Variants in AXL observed in about 807,000 individuals in gnomAD.
AXL encodes tyrosine-protein kinase receptor UFO.
Under a neutral mutation model 104.5 loss-of-function variants are expected in AXL, and 52 were observed. The observed-to-expected ratio is 0.50, with a 90% confidence interval of 0.40 to 0.63. The LOEUF (loss-of-function observed/expected upper bound fraction) is 0.63, where lower values mean the gene tolerates loss of function less well. Ranked by LOEUF, AXL falls within the 20% of genes least tolerant of loss-of-function variation. AXL has a pLI of 0.00. For missense variants in AXL, 1,024 were observed against 1,188.5 expected, an observed-to-expected ratio of 0.86 and a Z score of 2.04; for synonymous variants, 455 against 473.7, an observed-to-expected ratio of 0.96 and a Z score of 0.51.
intron 12 of AXL, among the ~76,000 whole-genome samples, chr19:41,244,636 C>T (rs917468491): frequency 1.7e-4 from 26 of 152,292 alleles, no homozygotes; most frequent in African/African-American, 6.3e-4. Context: ...CATGGCACCA[C>T]ATCTGGCTAA....
intron 4 of AXL, among the ~76,000 whole-genome samples, chr19:41,223,727 C>T (rs1043622243): frequency 1.3e-5 from 2 of 152,000 alleles, no homozygotes; most frequent in Non-Finnish European, 2.9e-5. Context: ...GCTCGAGTGG[C>T]TGAGTAGGGA....
rs764751950 is a variant in AXL at position 41,221,167 on chromosome 19, C to T, written c.330C>T (p.Ser110=). 6.8e-6 allele frequency: 11 copies of T among 1,613,982 alleles called. No individual in the cohort carries two copies. The highest frequency in any genetic ancestry group is 5.0e-5 in the Admixed American group (3 of 59,986). Residue 110 remains serine (S), a synonymous_variant, in exon 3 of 20, where the codon TCC becomes TCT. Transcript: ENST00000301178. The part of the protein sequence containing the change: ...SQLRITSLQL[S]DTGQYQCLVF... The stretch of plus-strand genomic sequence containing the variant: ...TCAGAATCACCTCCCTGCAGCTTTC[C>T]GACACGGGACAGTACCAGTGTTTGG...
chr19:41,244,833 C>T (rs1206241789), intron 12 of AXL, among the ~76,000 whole-genome samples: 1 of 151,952 alleles, frequency 6.6e-6, no homozygotes, highest in African/African-American at 2.4e-5. Context: ...GATGAGGAAG[C>T]TGTGGCATAG....
At chr19:41,229,203 G>A (rs1390764741) in intron 4 of AXL, among the ~76,000 whole-genome samples, 4 of 151,594 alleles carry the variant, frequency 2.6e-5, no homozygotes, top group African/African-American at 7.3e-5. Flanking sequence ...CACCCACCTC[G>A]GCCTCCTAAG....
chr19:41,257,779 G>T lies in AXL; in HGVS notation c.2333+150G>T, dbSNP rs546044753. On this transcript the variant is annotated intron_variant, in intron 19 of 19. Transcript: ENST00000301178. ...CACTTGCCCCTCACCAATGCTCTGA[G>T]TAGGGCCATCACTAACCAGTGGGGT... 172 of 1,012,086 alleles carry T rather than the reference G, an allele frequency of 1.7e-4. 1 individual carries two copies. In the East Asian group the frequency reaches 4.2e-3, roughly 25 times the overall value. 62.7% of individuals were successfully genotyped at this position (1,012,086 alleles called of 1,614,324 possible).
chr19:41,248,662 C>A, intron 13 of AXL, 53 bp downstream of exon 13: 1 of 1,611,684 alleles, frequency 6.2e-7, no homozygotes, highest in Non-Finnish European at 8.5e-7. Context: ...AGATCCTGCA[C>A]TTCCACACTC....
At chr19:41,249,168 G>C (rs1034489894) in intron 14 of AXL, among the ~76,000 whole-genome samples, 1 of 152,142 alleles carries the variant, frequency 6.6e-6, no homozygotes, top group Non-Finnish European at 1.5e-5. Flanking sequence ...AGGCTGCTCT[G>C]TGGGAGCTAA....
At chr19:41,227,190 G>GT (rs1741511733) in intron 4 of AXL, among the ~76,000 whole-genome samples, 1 of 152,060 alleles carries the variant, frequency 6.6e-6, no homozygotes, top group Non-Finnish European at 1.5e-5. Flanking sequence ...GTTTCTACGT[G>GT]TATCTGTGTT....
In AXL at chr19:41,260,298, C is replaced by CTTTTTTTTTTTTTTTTTTTTTTTTTTTT. The variant is rs869213717; in HGVS notation, c.*398_*425dup. 1.4e-4 allele frequency: 7 copies of CTTTTTTTTTTTTTTTTTTTTTTTTTTTT among 48,572 alleles called. 2 individuals carry two copies. Among genetic ancestry groups the CTTTTTTTTTTTTTTTTTTTTTTTTTTTT allele is most frequent in the African/African-American group, 6.0e-4 (7 of 11,730 alleles). 3.0% of individuals were successfully genotyped at this position (48,572 alleles called of 1,614,324 possible). On this transcript the variant is annotated 3_prime_UTR_variant, in exon 20 of 20. Coordinates refer to ENST00000301178, the MANE Select transcript of AXL (RefSeq NM_021913.5). ...TAAAGTGCTAAGGTTCTAAGGCCTA[C>CTTTTTTTTTTTTTTTTTTTTTTTTTTTT]TTTTTTTTTTTTTTTTTTTTTTTTT...
chr19:41,259,710 C>G lies in AXL; in HGVS notation c.2491C>G (p.Pro831Ala). The G allele has an allele frequency of 6.2e-7, 1 of 1,614,082 alleles. No individual in the cohort carries two copies. Among genetic ancestry groups the G allele is most frequent in the Non-Finnish European group, 8.5e-7 (1 of 1,180,000 alleles). Residue 831 changes from proline (P) to alanine (A), a missense_variant, in exon 20 of 20, where the codon CCT (proline) becomes GCT (alanine). Transcript: ENST00000301178. ...CAACATGGATGAGGGTGGAGGTTAT[C>G]CTGAACCCCCTGGAGCTGCAGGAGG... ...YVNMDEGGGY[P>A]EPPGAAGGAD... is the part of the protein sequence containing the mutation.
At chr19:41,229,440 T>C (rs2033938156) in intron 4 of AXL, among the ~76,000 whole-genome samples, 1 of 151,718 alleles carries the variant, frequency 6.6e-6, no homozygotes, top group African/African-American at 2.4e-5. Context: ...AATTTTTCTC[T>C]TTTTTGTAGA....
chr19:41,245,284 G>A (rs1205954150), intron 12 of AXL, among the ~76,000 whole-genome samples: 2 of 152,080 alleles, frequency 1.3e-5, no homozygotes, highest in Admixed American at 6.6e-5. Flanking sequence ...AGATAGAATC[G>A]ATCTTGGCCT....
chr19:41,238,698 G>T (rs2122236165), intron 8 of AXL, 89 bp downstream of exon 8: 1 of 1,479,016 alleles, frequency 6.8e-7, no homozygotes, highest in Non-Finnish European at 9.1e-7. Context: ...TGTGAAGGTT[G>T]GGTAGTACAC....
chr19:41,221,849 C>A (rs2122198170), intron 3 of AXL, 31 bp from the exon 4 acceptor site: 2 of 1,608,298 alleles, frequency 1.2e-6, no homozygotes, highest in Non-Finnish European at 8.5e-7. Context: ...CTCAGAGGGA[C>A]CCCAGCCTCT....
chr19:41,237,367 C>T (rs1210002274), intron 6 of AXL, among the ~76,000 whole-genome samples: 2 of 152,236 alleles, frequency 1.3e-5, no homozygotes, highest in East Asian at 1.9e-4. Context: ...CGCAGCCTCC[C>T]GAGTAGCTGG....
rs1292817456 is a variant in AXL at position 41,257,555 on chromosome 19, GGAGAACAGC to G, written c.2264_2272del (p.Asn755_Glu757del). On this transcript the variant is annotated inframe_deletion, in exon 19 of 20. Coordinates refer to ENST00000301178, the MANE Select transcript of AXL (RefSeq NM_021913.5). ...GAGGCCAAACCCCATATCCGGGCGT[GGAGAACAGC>G]GAGATTTATGACTATCTGCGCCAGG... 1 of 1,614,172 alleles carries G rather than the reference GGAGAACAGC, an allele frequency of 6.2e-7. No individual in the cohort carries two copies. The highest frequency in any genetic ancestry group is 1.1e-5 in the South Asian group (1 of 91,080).
Position 41,261,252 on chromosome 19 carries a change from A to G in AXL, c.*1348A>G, listed in dbSNP as rs2034538032. 6.6e-6 allele frequency: 1 copy of G among 152,574 alleles called. No individual in the cohort carries two copies. The highest frequency in any genetic ancestry group is 1.5e-5 in the Non-Finnish European group (1 of 68,020). The allele number at this position is 152,574 out of a possible 1,614,324, so 9.5% of individuals were successfully genotyped here. A position where few individuals can be genotyped will look rare whatever the true frequency, so the allele number is the denominator to read the frequency against. On this transcript the variant is annotated 3_prime_UTR_variant, in exon 20 of 20. Coordinates refer to ENST00000301178, the MANE Select transcript of AXL (RefSeq NM_021913.5). ...CCATTGGTCCAAGATTCCGGATCCT[A>G]AGCATCTAAGTTATAAGACTCTCAC...
chr19:41,243,349 G>A (rs2034216127), intron 11 of AXL, among the ~76,000 whole-genome samples: 2 of 152,198 alleles, frequency 1.3e-5, no homozygotes, highest in South Asian at 4.1e-4. Context: ...GAACCCGGGA[G>A]ATGGAGGCTA....
chr19:41,237,962 G>A lies in AXL; in HGVS notation c.802G>A (p.Gly268Arg), dbSNP rs1188970686. ...TCCTCAGGCTGTGCTGTCAGACGAT[G>A]GGATGGGCATCCAGGCGGGAGAACC... is the stretch of plus-strand genomic sequence containing the variant. Reference protein sequence around the residue: ...CTLQAVLSDDGMGIQAGEPDP... With the variant: ...CTLQAVLSDDRMGIQAGEPDP... Residue 268 changes from glycine (G) to arginine (R), a missense_variant, in exon 7 of 20, where the codon GGG becomes AGG. By Grantham distance (125) the Gly-to-Arg change is moderately radical (BLOSUM62 -2). Transcript: ENST00000301178. The A allele has an allele frequency of 1.2e-6, 2 of 1,613,804 alleles. No homozygotes were observed. The highest frequency in any genetic ancestry group is 2.2e-5 in the East Asian group (1 of 44,860).
Sources: gnomAD v4.1 joint callset for allele counts (sites outside exome capture counted in the v4.1 genomes callset) on GRCh38, gnomAD v4.1.1 for gene constraint, MANE v1.5 for transcripts, NCBI Gene and HGNC (gene_info 2026-07-23, HGNC 2026-07-21) for gene names.